Variants in UGT1A10 observed in about 807,000 individuals in gnomAD.
UGT1A10 encodes the protein UDP glucuronosyltransferase family 1 member A10.
UGT1A10 carries 49 observed loss-of-function variants against 45.8 expected under a neutral mutation model. The observed-to-expected ratio is 1.07, with a 90% CI of 0.85 to 1.36. UGT1A10 has a LOEUF of 1.36. UGT1A10 is among the 40% of genes most tolerant of loss of function. The pLI, the probability that UGT1A10 is intolerant of heterozygous loss-of-function variation, is 0.00. For synonymous variants in UGT1A10, 284 were observed against 249.7 expected, an observed-to-expected ratio of 1.14 and a Z score of -1.29; for missense variants, 745 against 668.6, an observed-to-expected ratio of 1.11 and a Z score of -1.26.
intron 1 of UGT1A10, chr2:233,743,520 G>C (rs759007678): frequency 7.3e-7 from 1 of 1,367,248 alleles, no homozygotes; most frequent in South Asian, 1.1e-5. Context: ...CTCTGCTTCT[G>C]CTTCCCCAGC....
At chr2:233,646,113 C>T (rs1208432057) in intron 1 of UGT1A10, among the ~76,000 whole-genome samples, 1 of 152,212 alleles carries the variant, frequency 6.6e-6, no homozygotes, top group Non-Finnish European at 1.5e-5. Context: ...CAAGGCTCGG[C>T]ACTTGCACCT....
chr2:233,761,565 G>T (rs1015510791), intron 1 of UGT1A10, among the ~76,000 whole-genome samples: 1 of 152,250 alleles, frequency 6.6e-6, no homozygotes, highest in African/African-American at 2.4e-5. Context: ...TCCTGGAAAT[G>T]AAAGTTGCCT....
chr2:233,734,616 T>C (rs2078540988), intron 1 of UGT1A10, among the ~76,000 whole-genome samples: 1 of 152,220 alleles, frequency 6.6e-6, no homozygotes, highest in Admixed American at 6.5e-5. Context: ...AGTGTGTTGA[T>C]TTTAGATCTT....
chr2:233,762,105 C>T (rs879435361), intron 1 of UGT1A10, among the ~76,000 whole-genome samples: 8 of 151,972 alleles, frequency 5.3e-5, no homozygotes, highest in Non-Finnish European at 1.0e-4. Flanking sequence ...GTTGATTGTC[C>T]GCTTCACATC....
At position 233,747,166 on chromosome 2, in the gene UGT1A10, G is replaced by C. The variant is rs1272270999; in HGVS notation, c.856-19868G>C. The C allele has an allele frequency of 9.4e-6, 15 of 1,592,462 alleles. No individual in the cohort carries two copies. In the East Asian group the frequency reaches 2.9e-4, roughly 31 times the overall value. On this transcript the variant is annotated intron_variant, in intron 1 of 4. Coordinates refer to ENST00000344644, the MANE Select transcript of UGT1A10 (RefSeq NM_019075.4). ...ATTAAGATGAAGAAAACAAATGTAG[G>C]AGGCACAGCGTGGGGTGGACAGTCA...
chr2:233,693,782 G>C lies in UGT1A10; in HGVS notation c.855+56405G>C. 1.9e-6 allele frequency: 3 copies of C among 1,614,196 alleles called. No individual in the cohort carries two copies. The East Asian group carries it at 6.7e-5, about 36-fold the overall frequency. ...TGTTTGGCTGTTAAGATATGACTTT[G>C]TGCTTGAATATCCTAGGCCGGTCAT... is the stretch of plus-strand genomic sequence containing the variant. On this transcript the variant is annotated intron_variant, in intron 1 of 4. Transcript: ENST00000344644.
chr2:233,731,684 T>C (rs2078191188), intron 1 of UGT1A10, among the ~76,000 whole-genome samples: 1 of 152,270 alleles, frequency 6.6e-6, no homozygotes, highest in Non-Finnish European at 1.5e-5. Flanking sequence ...CAGTCTATCA[T>C]TGATGGACAT....
At chr2:233,672,302 AT>A (rs763306715) in intron 1 of UGT1A10, 1 of 1,613,692 alleles carries the variant, frequency 6.2e-7, no homozygotes, top group Non-Finnish European at 8.5e-7. Context: ...TTTTTTTCAA[AT>A]TGCAGGAGTT....
At chr2:233,663,915 A>G (rs2074025044) in intron 1 of UGT1A10, among the ~76,000 whole-genome samples, 1 of 152,218 alleles carries the variant, frequency 6.6e-6, no homozygotes, top group African/African-American at 2.4e-5. Flanking sequence ...TACAAGTAGA[A>G]TGATATAACT....
At chr2:233,698,596 C>T (rs957890860) in intron 1 of UGT1A10, among the ~76,000 whole-genome samples, 9 of 152,076 alleles carry the variant, frequency 5.9e-5, no homozygotes, top group Admixed American at 2.6e-4. Context: ...CCAAGAAATT[C>T]GGATTAATAA....
intron 1 of UGT1A10, among the ~76,000 whole-genome samples, chr2:233,707,487 C>G (rs557810076): frequency 6.7e-6 from 1 of 149,442 alleles, no homozygotes; most frequent in East Asian, 2.0e-4. Context: ...ATGATTTTAC[C>G]TGTTTCGGTA....
chr2:233,733,332 C>T (rs1191516826), intron 1 of UGT1A10, among the ~76,000 whole-genome samples: 5 of 152,198 alleles, frequency 3.3e-5, no homozygotes, highest in East Asian at 1.9e-4. Context: ...CTGGCCAGAA[C>T]TTCCAACAGT....
At chr2:233,644,644 T>C (rs1298380136) in intron 1 of UGT1A10, among the ~76,000 whole-genome samples, 1 of 152,186 alleles carries the variant, frequency 6.6e-6, no homozygotes, top group African/African-American at 2.4e-5. Context: ...TGGGTTTCCT[T>C]TCTGCTCTAA....
At chr2:233,761,149 C>A (rs1575779799) in intron 1 of UGT1A10, 1 of 1,614,176 alleles carries the variant, frequency 6.2e-7, no homozygotes. Context: ...TCCACTATCC[C>A]AGGTGTGTAT....
At position 233,772,404 on chromosome 2, in the gene UGT1A10, T is replaced by C; in HGVS notation, c.1438T>C (p.Trp480Arg). The change falls in exon 5 of 5, where the codon TGG becomes CGG. Residue 480 changes from tryptophan (W) to arginine (R), a missense_variant. Coordinates refer to ENST00000344644, the MANE Select transcript of UGT1A10 (RefSeq NM_019075.4). ...HLRPAAHDLT[W>R]YQYHSLDVIG... ...GCGCCCCGCAGCCCACGACCTCACC[T>C]GGTACCAGTACCATTCCTTGGACGT... is the stretch of plus-strand genomic sequence containing the variant. 6.2e-7 allele frequency: 1 copy of C among 1,614,214 alleles called. No individual in the cohort carries two copies. The highest frequency in any genetic ancestry group is 8.5e-7 in the Non-Finnish European group (1 of 1,180,034).
At position 233,680,343 on chromosome 2, in the gene UGT1A10, C is replaced by T. The variant is rs80117790; in HGVS notation, c.855+42966C>T. 1.0e-3 allele frequency among the ~76,000 whole-genome samples: 153 copies of T among 152,256 alleles called. 3 individuals are homozygous for T. The East Asian group carries it at 0.027, about 27-fold the overall frequency. On this transcript the variant is annotated intron_variant, in intron 1 of 4. Transcript: ENST00000344644. ...AGAAGAAACGCGCAGAGGGTATAAA[C>T]GTCATATCACATGCATTTAGGCCAC...
At chr2:233,765,664 CA>C (rs970582402) in intron 1 of UGT1A10, among the ~76,000 whole-genome samples, 2 of 151,540 alleles carry the variant, frequency 1.3e-5, no homozygotes, top group African/African-American at 4.9e-5. Context: ...AGCAAACCAC[CA>C]TGGCATATGT....
intron 4 of UGT1A10, chr2:233,770,022 T>G (rs12474441): frequency 0.019 from 3,075 of 161,660 alleles, 63 homozygotes; most frequent in Admixed American, 0.065. Context: ...CTTCTTTCCC[T>G]GCACTGTTGA....
intron 1 of UGT1A10, among the ~76,000 whole-genome samples, chr2:233,662,138 C>G (rs1431175822): frequency 2.0e-5 from 3 of 152,128 alleles, no homozygotes; most frequent in South Asian, 4.1e-4. Flanking sequence ...TTACTTTTCT[C>G]TTGACTACAA....
Sources: allele counts gnomAD v4.1 joint callset (sites outside exome capture counted in the v4.1 genomes callset), GRCh38; gene constraint gnomAD v4.1.1; transcripts MANE v1.5; gene names NCBI Gene and HGNC (gene_info 2026-07-23, HGNC 2026-07-21).